UTRN: variants seen among roughly 807,000 people sequenced by gnomAD.
The protein encoded by UTRN is utrophin, also known as dystrophin-related protein 1.
UTRN carries 283 observed loss-of-function variants against 463.9 expected under a neutral mutation model. That is an observed-to-expected ratio of 0.61 (90% CI 0.55 to 0.67). UTRN has a LOEUF of 0.67. UTRN is among the 30% of genes least tolerant of loss of function. The probability of loss-of-function intolerance (pLI) is 0.00; values close to 1 mark genes in which losing one functional copy is unlikely to be tolerated. For synonymous variants in UTRN, 1,442 were observed against 1,431.5 expected, an observed-to-expected ratio of 1.01 and a Z score of -0.17; for missense variants, 3,922 against 4,084.3, an observed-to-expected ratio of 0.96 and a Z score of 1.08.
At chr6:144,576,731 C>G (rs1801475282) in intron 50 of UTRN, among the ~76,000 whole-genome samples, 1 of 151,988 alleles carries the variant, frequency 6.6e-6, no homozygotes, top group African/African-American at 2.4e-5. Context: ...ATATTTAATC[C>G]TTAAAGGAGT....
chr6:144,345,190 C>T (rs188259473), intron 2 of UTRN, among the ~76,000 whole-genome samples: 3,179 of 151,418 alleles, frequency 0.021, 98 homozygotes, highest in East Asian at 0.16. Flanking sequence ...GGGGTTGTAG[C>T]GTTGTCTCTG....
intron 53 of UTRN, among the ~76,000 whole-genome samples, chr6:144,704,886 C>T (rs1286938505): frequency 6.6e-6 from 1 of 152,030 alleles, no homozygotes; most frequent in Non-Finnish European, 1.5e-5. Flanking sequence ...TGCTGGAACC[C>T]AGGAGGCAGA....
chr6:144,361,980 T>G (rs548402805), intron 2 of UTRN, among the ~76,000 whole-genome samples: 1 of 152,194 alleles, frequency 6.6e-6, no homozygotes, highest in African/African-American at 2.4e-5. Flanking sequence ...GCCACTTTCT[T>G]ACTTAAAAGA....
At chr6:144,786,574 G>A (rs763075710) in intron 61 of UTRN, among the ~76,000 whole-genome samples, 4 of 152,060 alleles carry the variant, frequency 2.6e-5, no homozygotes, top group Non-Finnish European at 4.4e-5. Context: ...GTGAGCCACC[G>A]CGCCGGGCCT....
intron 54 of UTRN, among the ~76,000 whole-genome samples, chr6:144,733,053 C>T (rs1788940430): frequency 6.6e-6 from 1 of 152,120 alleles, no homozygotes; most frequent in Non-Finnish European, 1.5e-5. Context: ...TGAATGCAAA[C>T]ATGCAGCAAT....
chr6:144,567,769 G>A (rs1800536304), intron 50 of UTRN, among the ~76,000 whole-genome samples: 1 of 152,046 alleles, frequency 6.6e-6, no homozygotes, highest in African/African-American at 2.4e-5. Context: ...TTAATGTAAA[G>A]GTCACCTTTT....
At chr6:144,315,801 GAA>G (rs1775245919) in intron 2 of UTRN, among the ~76,000 whole-genome samples, 2 of 152,198 alleles carry the variant, frequency 1.3e-5, no homozygotes, top group African/African-American at 4.8e-5. Flanking sequence ...GAATCTACCT[GAA>G]AAGCACTTTA....
chr6:144,706,019 C>T (rs1478472688), intron 53 of UTRN, among the ~76,000 whole-genome samples: 1 of 151,940 alleles, frequency 6.6e-6, no homozygotes, highest in African/African-American at 2.4e-5. Flanking sequence ...ATTTATCTTA[C>T]TGAACATCAT....
At chr6:144,451,820 T>C (rs1318362551) in intron 18 of UTRN, among the ~76,000 whole-genome samples, 1 of 152,234 alleles carries the variant, frequency 6.6e-6, no homozygotes, top group Non-Finnish European at 1.5e-5. Flanking sequence ...TTTATGACTC[T>C]ATATTAACAT....
chr6:144,386,408 G>A (rs770424292), intron 2 of UTRN, among the ~76,000 whole-genome samples: 3 of 152,136 alleles, frequency 2.0e-5, no homozygotes, highest in Admixed American at 6.5e-5. Flanking sequence ...GCAGTGAGCC[G>A]TGATCATACT....
intron 19 of UTRN, 101 bp downstream of exon 19, chr6:144,453,970 C>T: frequency 3.3e-6 from 3 of 912,798 alleles, no homozygotes; most frequent in Non-Finnish European, 4.8e-6. Context: ...CTCGAATCCT[C>T]TTTTGGCTAG....
In UTRN at chr6:144,751,889, GCA is replaced by G; in HGVS notation, c.8293_8294del (p.His2765SerfsTer11). 1 of 1,612,330 alleles carries G rather than the reference GCA, an allele frequency of 6.2e-7. No homozygotes were observed. Among genetic ancestry groups the G allele is most frequent in the Non-Finnish European group, 8.5e-7 (1 of 1,179,186 alleles). On this transcript the variant is annotated frameshift_variant, in exon 56 of 75. Transcript: ENST00000367545. LOFTEE classifies it high-confidence loss of function. ...LSSQLSPLDL[H>X]PSLKMSRQLD... Reference sequence around the variant, plus strand: ...CCAGTCAGCTGTCTCCACTTGACCTGCATCCCTCTCTAAAGATGTCTCGCCAG... The same window carrying G: ...CCAGTCAGCTGTCTCCACTTGACCTGTCCCTCTCTAAAGATGTCTCGCCAG...
At chr6:144,699,523 T>A (rs892882427) in intron 52 of UTRN, among the ~76,000 whole-genome samples, 2 of 137,766 alleles carry the variant, frequency 1.5e-5, no homozygotes, top group African/African-American at 5.3e-5. Context: ...ACTATGAGTC[T>A]GTTGTAAATC....
Position 144,422,138 on chromosome 6 carries a change from C to T in UTRN, c.234+168C>T, listed in dbSNP as rs544041470. On this transcript the variant is annotated intron_variant, in intron 4 of 74. Coordinates refer to ENST00000367545, the MANE Select transcript of UTRN (RefSeq NM_007124.3). ...AAGCATTTTAATGAGTGCTTTGATA[C>T]AACAACATTTTGGCTCTTCTGAGGG... Among the ~76,000 whole-genome samples, 4 of 152,146 alleles carry T rather than the reference C, an allele frequency of 2.6e-5. 1 individual carries two copies. The highest frequency in any genetic ancestry group is 2.6e-4 in the Admixed American group (4 of 15,282).
intron 51 of UTRN, among the ~76,000 whole-genome samples, chr6:144,595,217 A>C (rs1338896053): frequency 6.6e-6 from 1 of 152,208 alleles, no homozygotes; most frequent in Non-Finnish European, 1.5e-5. Flanking sequence ...TATTTTAGAA[A>C]GCTGTTATAG....
chr6:144,806,245 A>C (rs1002575685), intron 65 of UTRN, among the ~76,000 whole-genome samples: 1 of 152,184 alleles, frequency 6.6e-6, no homozygotes, highest in Non-Finnish European at 1.5e-5. Flanking sequence ...CTCTCCAACT[A>C]CCAATTTTAA....
chr6:144,496,817 T>C (rs1315212998), intron 33 of UTRN, among the ~76,000 whole-genome samples: 3 of 152,184 alleles, frequency 2.0e-5, no homozygotes, highest in African/African-American at 7.2e-5. Context: ...AAGGCTTCCC[T>C]GAGGAGGTGA....
rs556168349 is a variant in UTRN at position 144,658,590 on chromosome 6, T to G, written c.7480-19816T>G. 2.0e-5 allele frequency among the ~76,000 whole-genome samples: 3 copies of G among 152,360 alleles called. No individual in the cohort carries two copies. The South Asian group carries it at 6.2e-4, about 32-fold the overall frequency. ...CCTGATGCAAAAAAAGTAAACTTAC[T>G]TATATTAAAATTTACATTATTCTAC... is the stretch of plus-strand genomic sequence containing the variant. On this transcript the variant is annotated intron_variant, in intron 51 of 74. Transcript: ENST00000367545.
intron 54 of UTRN, among the ~76,000 whole-genome samples, chr6:144,745,190 A>G (rs983134951): frequency 6.6e-6 from 1 of 151,974 alleles, no homozygotes; most frequent in African/African-American, 2.4e-5. Context: ...TACCACAAAT[A>G]CCTATTCAGA....
Sources: allele counts gnomAD v4.1 joint callset (sites outside exome capture counted in the v4.1 genomes callset), GRCh38; gene constraint gnomAD v4.1.1; transcripts MANE v1.5; gene names NCBI Gene and HGNC (gene_info 2026-07-23, HGNC 2026-07-21).